CGGBP1: variants seen among roughly 807,000 people sequenced by gnomAD.
CGGBP1 encodes CGG triplet repeat binding protein 1.
In CGGBP1, 4 loss-of-function variants were observed where a neutral mutation model predicts 11.4. That is an observed-to-expected ratio of 0.35 (90% confidence interval 0.17 to 0.80). The LOEUF is 0.80. Ranked by LOEUF, CGGBP1 falls within the 30% of genes least tolerant of loss-of-function variation. The pLI is 0.52. For synonymous variants in CGGBP1, 76 were observed against 74.1 expected (o/e 1.03, Z -0.13); for missense variants, 135 against 202.1 (o/e 0.67, Z 2.01).
upstream of CGGBP1, among the ~76,000 whole-genome samples, chr3:88,060,819 A>G (rs1706834987): frequency 6.6e-6 from 1 of 151,954 alleles, no homozygotes; most frequent in Non-Finnish European, 1.5e-5. Flanking sequence ...TGTAAGGGAA[A>G]GCTTGTAAGA....
chr3:88,101,104 T>C (rs1208108895), intron 2 of CGGBP1, among the ~76,000 whole-genome samples: 3 of 152,136 alleles, frequency 2.0e-5, no homozygotes, highest in Non-Finnish European at 4.4e-5. Context: ...TTGCTAGTTA[T>C]CTTTTTTTAT....
chr3:88,135,316 A>C (rs2107866581), intron 2 of CGGBP1: 2 of 846,884 alleles, frequency 2.4e-6, no homozygotes, highest in African/African-American at 3.5e-5. Context: ...GGAGGATTTT[A>C]AGGCCACATT....
intron 2 of CGGBP1, among the ~76,000 whole-genome samples, chr3:88,132,334 G>T (rs1576343534): frequency 6.6e-6 from 1 of 152,128 alleles, no homozygotes; most frequent in South Asian, 2.1e-4. Context: ...AGTTAATAGG[G>T]TCTTTTATTA....
chr3:88,137,194 CAAAAAAAAAAAA>C (rs11401199), intron 2 of CGGBP1, among the ~76,000 whole-genome samples: 5 of 70,724 alleles, frequency 7.1e-5, no homozygotes, highest in African/African-American at 1.3e-4. Context: ...GACTCTGTCT[CAAAAAAAAAAAA>C]AAAAAAAAAA....
At chr3:88,086,630 C>G (rs1464179012) in intron 2 of CGGBP1, among the ~76,000 whole-genome samples, 1 of 152,150 alleles carries the variant, frequency 6.6e-6, no homozygotes, top group South Asian at 2.1e-4. Flanking sequence ...CTTCTAGTTA[C>G]TACAAGCACT....
chr3:88,128,291 T>A (rs1459019805), intron 2 of CGGBP1, among the ~76,000 whole-genome samples: 1 of 152,124 alleles, frequency 6.6e-6, no homozygotes, highest in East Asian at 1.9e-4. Context: ...GCACTACTTT[T>A]GGATTAATTT....
At chr3:88,063,578 A>G (rs188797130), upstream of CGGBP1, among the ~76,000 whole-genome samples, 41 of 152,318 alleles carry the variant, frequency 2.7e-4, no homozygotes, top group Admixed American at 2.3e-3. Flanking sequence ...AGGGTATAAT[A>G]CATTTTTACT....
intron 1 of CGGBP1, among the ~76,000 whole-genome samples, chr3:88,147,895 C>T (rs2107922941): frequency 6.6e-6 from 1 of 152,320 alleles, no homozygotes; most frequent in South Asian, 2.1e-4. Context: ...TCCCACAATG[C>T]ACAGGACAAT....
rs139594844 is a variant in CGGBP1, at chr3:88,109,205, C to T, written c.-229+31765G>A. Among the ~76,000 whole-genome samples the T allele has an allele frequency of 2.6e-3, 393 of 148,646 alleles. 1 individual carries two copies. Among genetic ancestry groups the T allele is most frequent in the African/African-American group, 9.0e-3 (369 of 40,778 alleles). ...TATGAAGAAAACCGTTAACTTTTTC[C>T]TCCCTCAGTAAAGATGTTACTGAAG... On this transcript the variant is annotated intron_variant, in intron 2 of 3. Transcript: ENST00000462901.
chr3:88,140,915 C>G (rs551870040), intron 2 of CGGBP1: 1 of 1,613,454 alleles, frequency 6.2e-7, no homozygotes, highest in Non-Finnish European at 8.5e-7. Flanking sequence ...ATCAAGATAA[C>G]GTGTATAAAA....
intron 2 of CGGBP1, among the ~76,000 whole-genome samples, chr3:88,126,802 G>A (rs1396486013): frequency 6.6e-6 from 1 of 152,046 alleles, no homozygotes; most frequent in Non-Finnish European, 1.5e-5. Flanking sequence ...GAATGTGTGA[G>A]TGAATAAGTG....
intron 2 of CGGBP1, chr3:88,125,988 C>A: frequency 1.3e-6 from 1 of 773,446 alleles, no homozygotes; most frequent in Admixed American, 3.4e-5. Context: ...GTTTCGACAC[C>A]CTACTTAGGT....
intron 2 of CGGBP1, among the ~76,000 whole-genome samples, chr3:88,124,869 T>TA (rs1705994275): frequency 6.6e-6 from 1 of 152,136 alleles, no homozygotes. Context: ...TTTTACTAGA[T>TA]ATTCAGTTAA....
intron 2 of CGGBP1, among the ~76,000 whole-genome samples, chr3:88,075,027 T>C (rs2107626366): frequency 6.6e-6 from 1 of 152,352 alleles, no homozygotes; most frequent in East Asian, 1.9e-4. Context: ...CTGAAAGTAG[T>C]ATCCTAATTT....
upstream of CGGBP1, among the ~76,000 whole-genome samples, chr3:88,062,616 T>A (rs4858982): frequency 0.78 from 119,195 of 152,148 alleles, 47,614 homozygotes; most frequent in South Asian, 0.91. Flanking sequence ...TGTCATAAAT[T>A]GATTGTAAAC....
chr3:88,086,506 C>T (rs188906667), intron 2 of CGGBP1: 1 of 998,122 alleles, frequency 1.0e-6, no homozygotes. Flanking sequence ...TAAAGTATTC[C>T]CTCAAAAAGA....
At chr3:88,122,527 T>C (rs1401749427) in intron 2 of CGGBP1, among the ~76,000 whole-genome samples, 1 of 152,142 alleles carries the variant, frequency 6.6e-6, no homozygotes, top group African/African-American at 2.4e-5. Flanking sequence ...AAATGTATTC[T>C]GAAAGAAGTG....
intron 2 of CGGBP1, among the ~76,000 whole-genome samples, chr3:88,134,764 T>C (rs1211509204): frequency 6.6e-6 from 1 of 152,078 alleles, no homozygotes; most frequent in East Asian, 1.9e-4. Flanking sequence ...AATATCAGTA[T>C]TGGCACATTA....
chr3:88,083,958 T>C (rs201329299), intron 2 of CGGBP1, among the ~76,000 whole-genome samples: 1 of 40,630 alleles, frequency 2.5e-5, no homozygotes, highest in African/African-American at 6.4e-5. Flanking sequence ...TATATATATA[T>C]ATATATATAG....
Sources: allele counts gnomAD v4.1 joint callset (sites outside exome capture counted in the v4.1 genomes callset), GRCh38; gene constraint gnomAD v4.1.1; transcripts MANE v1.5; gene names NCBI Gene and HGNC (gene_info 2026-07-23, HGNC 2026-07-21).